Variants in PGBD2 observed in about 807,000 individuals in gnomAD.
PGBD2 encodes the protein piggyBac transposable element-derived protein 2.
PGBD2 carries 6 observed loss-of-function variants against 8.1 expected under a neutral mutation model. The ratio of observed to expected loss-of-function variants is 0.74; its 90% CI spans 0.40 to 1.46. The LOEUF is 1.46. Ranked by LOEUF, PGBD2 falls within the 40% of genes most tolerant of loss-of-function variation. PGBD2 has a pLI of 0.02. For synonymous variants in PGBD2, 318 were observed against 272.2 expected, an observed-to-expected ratio of 1.17 and a Z score of -1.66; for missense variants, 802 against 739.0, an observed-to-expected ratio of 1.09 and a Z score of -0.99.
At chr1:248,873,918 T>C in the PGBD2 span, among the ~76,000 whole-genome samples, 4 of 152,238 alleles carry the variant, frequency 2.6e-5, no homozygotes, top group Admixed American at 6.5e-5. Flanking sequence ...GCGGGCTTTC[T>C]GGTCTCCGGA....
chr1:248,875,743 G>A, the PGBD2 span, among the ~76,000 whole-genome samples: 13 of 152,080 alleles, frequency 8.5e-5, 1 homozygote, highest in African/African-American at 2.7e-4. Context: ...ACGATCAGAC[G>A]GAACCAGGTC....
chr1:248,908,484 C>G (rs1186658038), intron 1 of PGBD2, among the ~76,000 whole-genome samples: 1 of 152,172 alleles, frequency 6.6e-6, no homozygotes, highest in Admixed American at 6.5e-5. Context: ...ACCCCCTCAA[C>G]CAATTATCCA....
At chr1:248,922,685 G>A (rs1415824503), downstream of PGBD2, among the ~76,000 whole-genome samples, 2 of 152,132 alleles carry the variant, frequency 1.3e-5, no homozygotes, top group Non-Finnish European at 1.5e-5. Flanking sequence ...GAATTTTGTT[G>A]AAGGCCTTTT....
At chr1:248,923,877 G>A (rs1349421616), downstream of PGBD2, among the ~76,000 whole-genome samples, 1 of 152,202 alleles carries the variant, frequency 6.6e-6, no homozygotes, top group African/African-American at 2.4e-5. Context: ...TCACTCCAGA[G>A]AGAGGAGAAC....
intron 1 of PGBD2, among the ~76,000 whole-genome samples, chr1:248,908,338 G>C (rs969751880): frequency 6.6e-6 from 1 of 152,082 alleles, no homozygotes; most frequent in African/African-American, 2.4e-5. Flanking sequence ...TGCCCAGTTG[G>C]ACCTCTGGGC....
chr1:248,883,320 T>A, the PGBD2 span, among the ~76,000 whole-genome samples: 8 of 152,002 alleles, frequency 5.3e-5, no homozygotes, highest in African/African-American at 1.9e-4. Context: ...ATGAGGTTTC[T>A]CCATGTTGGT....
At chr1:248,905,597 G>A (rs1661608742), upstream of PGBD2, among the ~76,000 whole-genome samples, 1 of 152,206 alleles carries the variant, frequency 6.6e-6, no homozygotes, top group African/African-American at 2.4e-5. Flanking sequence ...GTAGCCAGAT[G>A]AAATACAGGG....
chr1:248,927,569 G>T, the PGBD2 span, among the ~76,000 whole-genome samples: 1 of 152,178 alleles, frequency 6.6e-6, no homozygotes, highest in Non-Finnish European at 1.5e-5. Flanking sequence ...TACCATGAAA[G>T]TAGCCAGAGA....
At chr1:248,876,521 C>T in the PGBD2 span, among the ~76,000 whole-genome samples, 5 of 152,212 alleles carry the variant, frequency 3.3e-5, no homozygotes, top group African/African-American at 1.2e-4. Flanking sequence ...AGTGTTTAAC[C>T]TTGCATTTTG....
At chr1:248,925,061 A>C in the PGBD2 span, among the ~76,000 whole-genome samples, 3 of 151,630 alleles carry the variant, frequency 2.0e-5, no homozygotes, top group South Asian at 4.2e-4. Flanking sequence ...GCAAGACTGG[A>C]TATGTTGGAA....
the PGBD2 span, among the ~76,000 whole-genome samples, chr1:248,873,884 A>G: frequency 3.9e-5 from 6 of 152,216 alleles, no homozygotes; most frequent in South Asian, 2.1e-4. Flanking sequence ...CTAAGGCGCC[A>G]GACTCAAGGT....
At chr1:248,914,810 T>A (rs1662034349) in intron 2 of PGBD2, among the ~76,000 whole-genome samples, 4 of 152,226 alleles carry the variant, frequency 2.6e-5, no homozygotes, top group African/African-American at 7.2e-5. Flanking sequence ...CTGGAAGTCC[T>A]GGCCAGGGCC....
the PGBD2 span, among the ~76,000 whole-genome samples, chr1:248,929,847 T>C: frequency 6.6e-6 from 1 of 152,200 alleles, no homozygotes; most frequent in Non-Finnish European, 1.5e-5. Flanking sequence ...GAAATGCACG[T>C]CTTTTTTCTT....
At chr1:248,920,444 G>A (rs1246974322), downstream of PGBD2, among the ~76,000 whole-genome samples, 1 of 152,178 alleles carries the variant, frequency 6.6e-6, no homozygotes, top group African/African-American at 2.4e-5. Flanking sequence ...ATGGTTTCCA[G>A]CTTCATCCAT....
the PGBD2 span, among the ~76,000 whole-genome samples, chr1:248,929,861 G>A: frequency 1.3e-3 from 194 of 152,240 alleles, no homozygotes; most frequent in Non-Finnish European, 2.4e-3. Flanking sequence ...TTTTCTTTTG[G>A]AAGTCTCCCT....
intron 1 of PGBD2, among the ~76,000 whole-genome samples, chr1:248,913,354 C>T (rs979863829): frequency 2.0e-5 from 3 of 152,224 alleles, no homozygotes; most frequent in Admixed American, 1.3e-4. Flanking sequence ...CACTTTCTCT[C>T]TGCAGCTTTG....
At chr1:248,927,944 C>T in the PGBD2 span, among the ~76,000 whole-genome samples, 1 of 152,168 alleles carries the variant, frequency 6.6e-6, no homozygotes, top group Non-Finnish European at 1.5e-5. Context: ...AAAAAGGGAG[C>T]AGGCTGGGAA....
At chr1:248,922,770 C>T (rs559907086), downstream of PGBD2, among the ~76,000 whole-genome samples, 61 of 152,214 alleles carry the variant, frequency 4.0e-4, no homozygotes, top group Non-Finnish European at 6.5e-4. Flanking sequence ...TATTGATTTG[C>T]GTGTGTTGAA....
downstream of PGBD2, among the ~76,000 whole-genome samples, chr1:248,921,528 CTT>C (rs1242125244): frequency 6.6e-6 from 1 of 152,100 alleles, no homozygotes; most frequent in Non-Finnish European, 1.5e-5. Flanking sequence ...TGCTGTTTTG[CTT>C]ACTGTAGCCT....
Sources: allele counts gnomAD v4.1 joint callset (sites outside exome capture counted in the v4.1 genomes callset), GRCh38; gene constraint gnomAD v4.1.1; transcripts MANE v1.5; gene names NCBI Gene and HGNC (gene_info 2026-07-23, HGNC 2026-07-21).